Variants in DHX32 observed in about 807,000 individuals in gnomAD.
DHX32 encodes the protein putative pre-mRNA-splicing factor ATP-dependent RNA helicase DHX32.
Under a neutral mutation model 70.0 loss-of-function variants are expected in DHX32, and 51 were observed. The ratio of observed to expected loss-of-function variants is 0.73; its 90% confidence interval spans 0.58 to 0.92. The LOEUF (loss-of-function observed/expected upper bound fraction) is 0.92, where lower values mean the gene tolerates loss of function less well. Ranked by LOEUF, DHX32 falls within the 40% of genes least tolerant of loss-of-function variation. The pLI, the probability that DHX32 is intolerant of heterozygous loss-of-function variation, is 0.00. For synonymous variants in DHX32, 310 were observed against 315.3 expected, an observed-to-expected ratio of 0.98 and a Z score of 0.18; for missense variants, 762 against 891.8, an observed-to-expected ratio of 0.85 and a Z score of 1.85.
chr10:125,842,969 G>C (rs1854922477), intron 6 of DHX32, among the ~76,000 whole-genome samples: 1 of 151,874 alleles, frequency 6.6e-6, no homozygotes, highest in African/African-American at 2.4e-5. Flanking sequence ...AAAAGTAATT[G>C]CGGTTTTTGC....
intron 6 of DHX32, 98 bp from the exon 7 acceptor site, chr10:125,842,032 T>C (rs966761588): frequency 7.3e-7 from 1 of 1,372,832 alleles, no homozygotes; most frequent in African/African-American, 1.5e-5. Context: ...AAGCAAACAA[T>C]GGACAAAATA....
intron 2 of DHX32, among the ~76,000 whole-genome samples, chr10:125,862,880 C>T (rs1944198679): frequency 6.6e-6 from 1 of 151,816 alleles, no homozygotes; most frequent in African/African-American, 2.4e-5. Flanking sequence ...AAAAAAACTA[C>T]TTTTTTTCTA....
intron 1 of DHX32, among the ~76,000 whole-genome samples, chr10:125,870,284 A>C (rs530865711): frequency 3.3e-5 from 5 of 152,264 alleles, no homozygotes; most frequent in Admixed American, 2.0e-4. Context: ...TAGGCATGGT[A>C]GTTGCAGAAT....
chr10:125,862,272 C>T (rs983943818), intron 2 of DHX32, among the ~76,000 whole-genome samples: 11 of 152,292 alleles, frequency 7.2e-5, no homozygotes, highest in African/African-American at 2.6e-4. Context: ...AAAGTGTATG[C>T]CCTCTGCCTT....
At chr10:125,888,291 A>G (rs1468499713) in intron 1 of DHX32, among the ~76,000 whole-genome samples, 3 of 151,704 alleles carry the variant, frequency 2.0e-5, no homozygotes, top group African/African-American at 4.8e-5. Context: ...GCAGCCTCCA[A>G]CTTCTGGGCT....
chr10:125,851,924 A>G (rs1170305326), intron 6 of DHX32, among the ~76,000 whole-genome samples: 3 of 148,386 alleles, frequency 2.0e-5, no homozygotes, highest in Non-Finnish European at 4.5e-5. Flanking sequence ...CTGTCTCAAA[A>G]AAAAAAAAAA....
chr10:125,850,359 T>C (rs1252827943), intron 6 of DHX32, among the ~76,000 whole-genome samples: 10 of 148,502 alleles, frequency 6.7e-5, no homozygotes, highest in South Asian at 4.2e-4. Context: ...TCTTTCTTTT[T>C]TTTTTTTTTT....
At chr10:125,862,298 T>TC (rs1336508693) in intron 2 of DHX32, among the ~76,000 whole-genome samples, 3 of 152,330 alleles carry the variant, frequency 2.0e-5, no homozygotes, top group Admixed American at 6.5e-5. Flanking sequence ...TCATACAGGT[T>TC]CTCATCCTGT....
Position 125,853,778 on chromosome 10 carries a change from CT to C in DHX32, c.1092+182del, listed in dbSNP as rs914301641. ...AATTCATTTCCAAACCTCCAACATG[CT>C]AATGGAATCAAGACTTTTGTTACTG... On this transcript the variant is annotated intron_variant, in intron 4 of 10. Transcript: ENST00000284690. The C allele has an allele frequency of 5.8e-5, 37 of 639,782 alleles. No individual in the cohort carries two copies. In the South Asian group the frequency reaches 6.4e-4, roughly 11 times the overall value. The allele number at this position is 639,782 out of a possible 1,614,324, so 39.6% of individuals were successfully genotyped here. A position where few individuals can be genotyped will look rare whatever the true frequency, so the allele number is the denominator to read the frequency against.
At chr10:125,879,406 A>T (rs1944304545) in intron 1 of DHX32, among the ~76,000 whole-genome samples, 1 of 152,168 alleles carries the variant, frequency 6.6e-6, no homozygotes, top group African/African-American at 2.4e-5. Context: ...AAGGTCCCAC[A>T]TAAGCAAACT....
chr10:125,841,224 T>A (rs1237728389), intron 7 of DHX32: 1 of 1,599,540 alleles, frequency 6.3e-7, no homozygotes, highest in Admixed American at 1.7e-5. Flanking sequence ...GTCAACTGAA[T>A]ATGGTTAATA....
chr10:125,872,262 C>G (rs1339162773), intron 1 of DHX32, among the ~76,000 whole-genome samples: 1 of 152,110 alleles, frequency 6.6e-6, no homozygotes, highest in Non-Finnish European at 1.5e-5. Context: ...TTGTTTCTAC[C>G]CCATAGTTCC....
chr10:125,839,015 C>T lies in DHX32; in HGVS notation c.1867G>A (p.Gly623Ser), dbSNP rs1189315557. Residue 623 changes from glycine (G) to serine (S), a missense_variant, in exon 9 of 11, where the codon GGT becomes AGT. By Grantham distance (56) the Gly-to-Ser change is moderately conservative. Around this residue, in one of 3 missense-constraint regions of DHX32, gnomAD observed 366 missense variants for 402.6 expected, o/e 0.91. Transcript: ENST00000284690. ...TLNIKKALLSGYFMQIARDVD... is the reference protein window; with the variant it reads ...TLNIKKALLSSYFMQIARDVD... ...CCCCTTCTCACCTGCATAAAGTAAC[C>T]GGACAGAAGAGCTTTCTTTATGTTT... The T allele has an allele frequency of 9.9e-6, 16 of 1,613,746 alleles. No homozygotes were observed. Among genetic ancestry groups the T allele is most frequent in the South Asian group, 3.3e-5 (3 of 91,038 alleles).
At chr10:125,859,529 C>T in intron 3 of DHX32, 74 bp downstream of exon 3, 1 of 1,468,276 alleles carries the variant, frequency 6.8e-7, no homozygotes, top group Non-Finnish European at 9.1e-7. Flanking sequence ...CAAACTGAAA[C>T]CTGTATGTTA....
At chr10:125,889,384 G>C (rs555855734) in intron 1 of DHX32, among the ~76,000 whole-genome samples, 1 of 152,160 alleles carries the variant, frequency 6.6e-6, no homozygotes, top group Non-Finnish European at 1.5e-5. Context: ...AAAAAAGAAA[G>C]TTAATGAGGT....
At chr10:125,870,146 G>A (rs1294580287) in intron 1 of DHX32, among the ~76,000 whole-genome samples, 1 of 152,160 alleles carries the variant, frequency 6.6e-6, no homozygotes, top group Non-Finnish European at 1.5e-5. Context: ...GAGTTAGGAG[G>A]GTAGGAAGAT....
intron 6 of DHX32, among the ~76,000 whole-genome samples, chr10:125,849,997 T>C (rs1309229156): frequency 6.6e-6 from 1 of 152,098 alleles, no homozygotes; most frequent in African/African-American, 2.4e-5. Flanking sequence ...ACCAGGGTCT[T>C]GCTCTGTCAC....
intron 1 of DHX32, among the ~76,000 whole-genome samples, chr10:125,895,775 G>A (rs2134089636): frequency 6.6e-6 from 1 of 152,374 alleles, no homozygotes; most frequent in Non-Finnish European, 1.5e-5. Flanking sequence ...TCCAACCCGG[G>A]CCCCCTGCCT....
upstream of DHX32, among the ~76,000 whole-genome samples, chr10:125,882,292 A>T (rs1464803759): frequency 1.3e-5 from 2 of 152,248 alleles, no homozygotes; most frequent in Admixed American, 6.5e-5. Context: ...GATATTTTGT[A>T]AGTTACTGCA....
Sources: allele counts gnomAD v4.1 joint callset (sites outside exome capture counted in the v4.1 genomes callset), GRCh38; gene constraint gnomAD v4.1.1; regional missense constraint gnomAD v4.1.1; transcripts MANE v1.5; gene names NCBI Gene and HGNC (gene_info 2026-07-23, HGNC 2026-07-21).